The following EPAS1 variants were observed in gnomAD, a reference collection of about 807,000 sequenced individuals.
The protein encoded by EPAS1 is endothelial PAS domain protein 1.
In EPAS1, 23 loss-of-function variants were observed where a neutral mutation model predicts 87.9. The observed-to-expected ratio is 0.26, with a 90% CI of 0.19 to 0.37. The LOEUF (loss-of-function observed/expected upper bound fraction) is 0.37, where lower values mean the gene tolerates loss of function less well. Among genes scored for constraint, EPAS1 ranks in the 10% least tolerant of loss-of-function variants. The pLI is 1.00. For missense variants in EPAS1, 1,138 were observed against 1,120.7 expected, an observed-to-expected ratio of 1.02 and a Z score of -0.22; for synonymous variants, 508 against 444.3, an observed-to-expected ratio of 1.14 and a Z score of -1.80.
Position 46,347,565 on chromosome 2 carries a change from G to A in EPAS1, c.217+502G>A, listed in dbSNP as rs913486118. On this transcript the variant is annotated intron_variant, in intron 2 of 15. Coordinates refer to ENST00000263734, the MANE Select transcript of EPAS1 (RefSeq NM_001430.5). The surrounding 1 kb of genome is among the most constrained non-coding windows in gnomAD (Gnocchi z 4.2). Reference sequence around the variant, plus strand: ...TTGGTTTCCTCGTGTATAAAATGGGGTTAAACATACTTCTTGCCCAGGGTG... The same window carrying A: ...TTGGTTTCCTCGTGTATAAAATGGGATTAAACATACTTCTTGCCCAGGGTG... The A allele has an allele frequency of 2.4e-5, 5 of 209,262 alleles. No homozygotes were observed. In the East Asian group the frequency reaches 5.6e-4, roughly 24 times the overall value. 13.0% of individuals were successfully genotyped at this position (209,262 alleles called of 1,614,324 possible). A position where few individuals can be genotyped will look rare whatever the true frequency, so the allele number is the denominator to read the frequency against.
chr2:46,381,156 G>C (rs1260873749), intron 12 of EPAS1: 1 of 346,022 alleles, frequency 2.9e-6, no homozygotes, highest in African/African-American at 2.1e-5. Flanking sequence ...CTCCAGAAAT[G>C]CCTTCCCATC....
At chr2:46,367,378 T>C (rs1169795057) in intron 6 of EPAS1, among the ~76,000 whole-genome samples, 1 of 152,238 alleles carries the variant, frequency 6.6e-6, no homozygotes, top group Non-Finnish European at 1.5e-5. Context: ...AAGCAGTTTA[T>C]CTGGCAAGTC....
intron 6 of EPAS1, among the ~76,000 whole-genome samples, chr2:46,363,756 C>T (rs1030329520): frequency 5.9e-5 from 9 of 152,152 alleles, no homozygotes; most frequent in Non-Finnish European, 4.4e-5. Context: ...CTTATAAGTT[C>T]TGCGAGACAC....
At chr2:46,353,470 C>G (rs900604548) in intron 2 of EPAS1, among the ~76,000 whole-genome samples, 3 of 152,184 alleles carry the variant, frequency 2.0e-5, no homozygotes, top group African/African-American at 7.2e-5. Flanking sequence ...AATGAGAGGT[C>G]TCACATTTTT....
chr2:46,380,742 CCAG>C lies in EPAS1; in HGVS notation c.2045+29_2045+31del. 6.2e-7 allele frequency: 1 copy of C among 1,604,452 alleles called. No homozygotes were observed. On this transcript the variant is annotated intron_variant, in intron 12 of 15. Transcript: ENST00000263734. The surrounding 1 kb of genome is among the most constrained non-coding windows in gnomAD (Gnocchi z 4.4). ...GGTAAGTGGCAGATACTCAGCTGTA[CCAG>C]CAGGGCCGAACCGAGAGGCACCCAC...
chr2:46,324,722 G>C (rs1173163510), intron 1 of EPAS1, among the ~76,000 whole-genome samples: 1 of 152,234 alleles, frequency 6.6e-6, no homozygotes, highest in Admixed American at 6.5e-5. Context: ...ATTATTAAAA[G>C]CAGTTACGTA....
intron 9 of EPAS1, 39 bp downstream of exon 9, chr2:46,376,792 G>A (rs370794373): frequency 6.2e-6 from 10 of 1,602,410 alleles, no homozygotes; most frequent in East Asian, 4.5e-5. Context: ...CTGGAACCCC[G>A]TTGGGGCTGG....
intron 1 of EPAS1, among the ~76,000 whole-genome samples, chr2:46,306,302 G>T (rs1683108155): frequency 6.6e-6 from 1 of 152,104 alleles, no homozygotes; most frequent in South Asian, 2.1e-4. Context: ...CTCTGGTTAG[G>T]GGGCAGGGAG....
At chr2:46,301,473 A>G (rs1471775427) in intron 1 of EPAS1, among the ~76,000 whole-genome samples, 1 of 151,552 alleles carries the variant, frequency 6.6e-6, no homozygotes, top group Non-Finnish European at 1.5e-5. Context: ...GCTATTCTGG[A>G]GGCTGAGGCA....
At position 46,375,034 on chromosome 2, in the gene EPAS1, G is replaced by A. The variant is rs1337536891; in HGVS notation, c.887-656G>A. Among the ~76,000 whole-genome samples, 1 of 152,154 alleles carries A rather than the reference G, an allele frequency of 6.6e-6. No homozygotes were observed. Among genetic ancestry groups the A allele is most frequent in the East Asian group, 1.9e-4 (1 of 5,190 alleles). The stretch of plus-strand genomic sequence containing the variant: ...TCAGCCCCAACTGAGAAAGGGTGGG[G>A]TGGTTTGCCTCTGCCTTTGCTGTGG... On this transcript the variant is annotated intron_variant, in intron 7 of 15. Coordinates refer to ENST00000263734, the MANE Select transcript of EPAS1 (RefSeq NM_001430.5). The surrounding 1 kb of genome is among the most constrained non-coding windows in gnomAD (Gnocchi z 4.1).
Position 46,360,845 on chromosome 2 carries a change from ACT to A in EPAS1, c.574-36_574-35del, listed in dbSNP as rs1684370620. 1.2e-6 allele frequency: 2 copies of A among 1,613,182 alleles called. No individual in the cohort carries two copies. Among genetic ancestry groups the A allele is most frequent in the Non-Finnish European group, 1.7e-6 (2 of 1,179,474 alleles). ...CTAAGGCCCTACCCCCACCCCCAGC[ACT>A]CTCGGCTCCATGTCTGACCCTTCCA... On this transcript the variant is annotated intron_variant, in intron 5 of 15. Coordinates refer to ENST00000263734, the MANE Select transcript of EPAS1 (RefSeq NM_001430.5). The surrounding 1 kb of genome is among the most constrained non-coding windows in gnomAD (Gnocchi z 4.5).
chr2:46,324,620 G>C (rs1173179278), intron 1 of EPAS1, among the ~76,000 whole-genome samples: 2 of 152,192 alleles, frequency 1.3e-5, no homozygotes, highest in African/African-American at 4.8e-5. Context: ...TATAGACTGG[G>C]GCAAGGCTGT....
intron 2 of EPAS1, among the ~76,000 whole-genome samples, chr2:46,352,454 A>G (rs189563584): frequency 6.6e-6 from 1 of 152,226 alleles, no homozygotes; most frequent in Non-Finnish European, 1.5e-5. Context: ...TAGAAACTTA[A>G]TAATGGTGTA....
chr2:46,356,127 T>TGGGGGGGGGGGGGGGGGGGGGGGGGGGGG, intron 2 of EPAS1, 24 bp from the exon 3 acceptor site: 98 of 1,395,396 alleles, frequency 7.0e-5, no homozygotes, highest in Non-Finnish European at 8.7e-5. Context: ...TCATGCAAGC[T>TGGGGGGGGGGGGGGGGGGGGGGGGGGGGG]GTCCCACCCC....
chr2:46,308,437 C>G (rs1347599181), intron 1 of EPAS1, among the ~76,000 whole-genome samples: 1 of 138,516 alleles, frequency 7.2e-6, no homozygotes, highest in East Asian at 2.0e-4. Context: ...CTGATGTGCC[C>G]TAATACCTTG....
At chr2:46,306,614 T>C (rs560087693) in intron 1 of EPAS1, among the ~76,000 whole-genome samples, 61 of 152,310 alleles carry the variant, frequency 4.0e-4, no homozygotes, top group African/African-American at 1.4e-3. Context: ...TGAGAAAGAT[T>C]GTCCTGGAAA....
chr2:46,378,944 C>G (rs1244605434), intron 11 of EPAS1, among the ~76,000 whole-genome samples, 177 bp downstream of exon 11: 1 of 152,198 alleles, frequency 6.6e-6, no homozygotes, highest in Non-Finnish European at 1.5e-5. Context: ...GTGGTCACCC[C>G]CTCCTCCCAC....
chr2:46,377,367 C>T (rs541957048), intron 9 of EPAS1, among the ~76,000 whole-genome samples: 29 of 152,336 alleles, frequency 1.9e-4, no homozygotes, highest in African/African-American at 6.0e-4. Flanking sequence ...CTCCCCAGTT[C>T]GCAACCCGCT....
chr2:46,334,466 G>T (rs1683748561), intron 1 of EPAS1, among the ~76,000 whole-genome samples: 1 of 152,040 alleles, frequency 6.6e-6, no homozygotes, highest in South Asian at 2.1e-4. Flanking sequence ...CTGCCATCCT[G>T]ATTGCCTCCC....
Sources: gnomAD v4.1 joint callset for allele counts (sites outside exome capture counted in the v4.1 genomes callset) on GRCh38, gnomAD v4.1.1 for gene constraint, Gnocchi (gnomAD v3.1) non-coding constraint, MANE v1.5 for transcripts, NCBI Gene and HGNC (gene_info 2026-07-23, HGNC 2026-07-21) for gene names.